The following ITGAD variants were observed in gnomAD, a reference collection of about 807,000 sequenced individuals.
ITGAD encodes the protein integrin subunit alpha D, also known as integrin alpha-D.
A neutral mutation model predicts 139.0 loss-of-function variants in ITGAD; 105 were observed. That is an observed-to-expected ratio of 0.76 (90% CI 0.65 to 0.89). The LOEUF is 0.89. ITGAD is among the 40% of genes least tolerant of loss of function. The pLI is 0.00. For missense variants in ITGAD, 1,384 were observed against 1,487.3 expected (o/e 0.93, Z 1.14); for synonymous variants, 569 against 598.3 (o/e 0.95, Z 0.71).
At chr16:31,396,911 T>C (rs575468557) in intron 2 of ITGAD, among the ~76,000 whole-genome samples, 10 of 152,216 alleles carry the variant, frequency 6.6e-5, no homozygotes, top group Non-Finnish European at 1.3e-4. Context: ...AATTACAGAA[T>C]CAACTATTTG....
At chr16:31,409,911 C>A (rs866440576) in intron 10 of ITGAD, among the ~76,000 whole-genome samples, 1,415 of 88,818 alleles carry the variant, frequency 0.016, 3 homozygotes, top group Middle Eastern at 0.032. Flanking sequence ...CAGCCTGTCT[C>A]AAAAAAAAAA....
chr16:31,394,130 CAAAAAAAAAAA>C (rs943198130), intron 1 of ITGAD, 95 bp from the exon 2 acceptor site: 3 of 417,108 alleles, frequency 7.2e-6, no homozygotes, highest in African/African-American at 6.7e-5. Flanking sequence ...GACTCCATCT[CAAAAAAAAAAA>C]AAAAAAAAAG....
chr16:31,423,179 A>G lies in ITGAD; in HGVS notation c.2846A>G (p.Glu949Gly). ...GATGAGAAGAAAATGAAAGAGGCTGAGCATCGATACCGTGTGAGAGTCTAG... is the reference window on the plus strand; with the variant it reads ...GATGAGAAGAAAATGAAAGAGGCTGGGCATCGATACCGTGTGAGAGTCTAG... ...TSDEKKMKEA[E>G]HRYRVNNLSQ... The change falls in exon 24 of 30, where the codon GAG becomes GGG. Residue 949 changes from glutamate (E) to glycine (G), a missense_variant. Physicochemically the swap from Glu to Gly is moderately conservative, Grantham distance 98 (BLOSUM62 -2). Coordinates refer to ENST00000389202, the MANE Select transcript of ITGAD (RefSeq NM_005353.3). The G allele has an allele frequency of 6.2e-7, 1 of 1,613,926 alleles. No homozygotes were observed. Among genetic ancestry groups the G allele is most frequent in the Non-Finnish European group, 8.5e-7 (1 of 1,179,778 alleles).
In ITGAD at chr16:31,411,474, T is replaced by C. The variant is rs761384249; in HGVS notation, c.1664T>C (p.Phe555Ser). The change falls in exon 14 of 30, where the codon TTT (phenylalanine) becomes TCT (serine). Residue 555 changes from phenylalanine (F) to serine (S), a missense_variant. By Grantham distance (155) the Phe-to-Ser change is radical. Transcript: ENST00000389202. ...EQENRGAVYL[F>S]HGASESGISP... ...GAGAACCGGGGTGCTGTCTACCTGT[T>C]TCACGGAGCCTCAGAATCCGGCATC... 1.2e-6 allele frequency: 2 copies of C among 1,614,096 alleles called. No homozygotes were observed. Among genetic ancestry groups the C allele is most frequent in the South Asian group, 2.2e-5 (2 of 91,082 alleles).
At chr16:31,407,735 C>T in intron 8 of ITGAD, 31 bp from the exon 9 acceptor site, 5 of 1,613,556 alleles carry the variant, frequency 3.1e-6, no homozygotes, top group Non-Finnish European at 3.4e-6. Context: ...TGCTGCTGGG[C>T]TCATCCTCCT....
chr16:31,397,272 C>T (rs2081287392), intron 2 of ITGAD, 87 bp from the exon 3 acceptor site: 1 of 843,446 alleles, frequency 1.2e-6, no homozygotes, highest in Non-Finnish European at 1.9e-6. Flanking sequence ...CTCGCTTCCC[C>T]ATGGAGGGAC....
At chr16:31,402,406 C>T (rs2081431568) in intron 6 of ITGAD, among the ~76,000 whole-genome samples, 161 bp downstream of exon 6, 1 of 152,110 alleles carries the variant, frequency 6.6e-6, no homozygotes, top group Non-Finnish European at 1.5e-5. Flanking sequence ...TGAGCCCTGA[C>T]CTAGGAGGCC....
At chr16:31,414,246 G>GCCAGCCATCCAT (rs145399519) in intron 16 of ITGAD, among the ~76,000 whole-genome samples, 5 of 148,634 alleles carry the variant, frequency 3.4e-5, no homozygotes, top group Non-Finnish European at 7.4e-5. Context: ...CTATTATCTA[G>GCCAGCCATCCAT]CCATCCATCC....
intron 1 of ITGAD, among the ~76,000 whole-genome samples, chr16:31,394,000 G>A (rs561011970): frequency 3.3e-5 from 5 of 151,908 alleles, no homozygotes; most frequent in African/African-American, 7.2e-5. Context: ...GCATGGTGGC[G>A]TGCACTTGTA....
chr16:31,418,591 G>C, intron 23 of ITGAD, 27 bp downstream of exon 23: 1 of 1,566,126 alleles, frequency 6.4e-7, no homozygotes, highest in Non-Finnish European at 8.8e-7. Flanking sequence ...CTTCCCCTTG[G>C]ACCTCTGGCC....
chr16:31,418,639 G>C, intron 23 of ITGAD, 75 bp downstream of exon 23: 1 of 1,117,448 alleles, frequency 8.9e-7, no homozygotes, highest in East Asian at 2.3e-5. Flanking sequence ...GTCCCAGCCT[G>C]CTCTTCCAAT....
chr16:31,407,748 G>A lies in ITGAD; in HGVS notation c.859-18G>A. On this transcript the variant is annotated intron_variant, in intron 8 of 29. Coordinates refer to ENST00000389202, the MANE Select transcript of ITGAD (RefSeq NM_005353.3). Reference sequence around the variant, plus strand: ...AGTGCTGCTGGGCTCATCCTCCTCGGCTGTCTCTCTGCTGCAGGTGGGACA... The same window carrying A: ...AGTGCTGCTGGGCTCATCCTCCTCGACTGTCTCTCTGCTGCAGGTGGGACA... 6.2e-7 allele frequency: 1 copy of A among 1,613,662 alleles called. No homozygotes were observed. Among genetic ancestry groups the A allele is most frequent in the South Asian group, 1.1e-5 (1 of 91,062 alleles).
chr16:31,403,423 C>T lies in ITGAD; in HGVS notation c.559-77C>T, dbSNP rs1567328999. 5.2e-6 allele frequency: 8 copies of T among 1,545,596 alleles called. No individual in the cohort carries two copies. The Admixed American group carries it at 1.2e-4, about 24-fold the overall frequency. On this transcript the variant is annotated intron_variant, in intron 6 of 29. Transcript: ENST00000389202. The surrounding 1 kb of genome is among the most constrained non-coding windows in gnomAD (Gnocchi z 4.4). The stretch of plus-strand genomic sequence containing the variant: ...CTTGAGGCCAGGAGTTTGAGAGACC[C>T]TGTCTCTACAAAAAATTAAAATAAA...
chr16:31,395,180 C>T (rs1280585149), intron 2 of ITGAD, among the ~76,000 whole-genome samples: 6 of 152,106 alleles, frequency 3.9e-5, no homozygotes, highest in Non-Finnish European at 8.8e-5. Context: ...ATTAGCCGGG[C>T]ATGGTGGCAG....
chr16:31,417,210 A>ATATTTATTTATTTATT (rs201764894), intron 20 of ITGAD, among the ~76,000 whole-genome samples: 83 of 122,826 alleles, frequency 6.8e-4, no homozygotes, highest in Middle Eastern at 4.0e-3. Context: ...CGCCCAGCTA[A>ATATTTATTTATTTATT]TATTTATTTA....
chr16:31,425,073 TTTC>T (rs921080081), intron 29 of ITGAD, among the ~76,000 whole-genome samples: 9 of 152,142 alleles, frequency 5.9e-5, no homozygotes, highest in African/African-American at 2.2e-4. Context: ...TGTTTCTCTC[TTTC>T]TTTTTTTTCT....
At chr16:31,393,911 C>T (rs556657231) in intron 1 of ITGAD, among the ~76,000 whole-genome samples, 153 of 152,006 alleles carry the variant, frequency 1.0e-3, no homozygotes, top group African/African-American at 3.5e-3. Context: ...TGGGCGTATC[C>T]CCTGAGGTCA....
At chr16:31,402,278 G>A (rs1172434409) in intron 6 of ITGAD, 33 bp downstream of exon 6, 1 of 1,575,912 alleles carries the variant, frequency 6.3e-7, no homozygotes, top group Non-Finnish European at 8.7e-7. Flanking sequence ...TGGGGTTTGG[G>A]GGACGGGGGA....
Position 31,418,491 on chromosome 16 carries a change from A to G in ITGAD, c.2707A>G (p.Lys903Glu), listed in dbSNP as rs766859029. ...CCTTTCTGTCTCCAGTGAGAACAAT[A>G]AGGCTTCAAGCAGCAAGGCCACCTT... ...MRASASSENN[K>E]ASSSKATFQL... is the part of the protein sequence containing the mutation. Residue 903 changes from lysine to glutamate, a missense_variant, in exon 23 of 30, where the codon AAG becomes GAG. Coordinates refer to ENST00000389202, the MANE Select transcript of ITGAD (RefSeq NM_005353.3). The G allele has an allele frequency of 1.9e-6, 3 of 1,613,916 alleles. No homozygotes were observed. The highest frequency in any genetic ancestry group is 1.7e-6 in the Non-Finnish European group (2 of 1,179,900).
Sources: gnomAD v4.1 joint callset for allele counts (sites outside exome capture counted in the v4.1 genomes callset) on GRCh38, gnomAD v4.1.1 for gene constraint, Gnocchi (gnomAD v3.1) non-coding constraint, MANE v1.5 for transcripts, NCBI Gene and HGNC (gene_info 2026-07-23, HGNC 2026-07-21) for gene names.